Variants in SHISA6 observed in about 807,000 individuals in gnomAD.
The protein encoded by SHISA6 is shisa family member 6, also known as protein shisa-6.
SHISA6 carries 22 observed loss-of-function variants against 47.9 expected under a neutral mutation model. The observed-to-expected ratio is 0.46, with a 90% confidence interval of 0.33 to 0.66. The LOEUF (loss-of-function observed/expected upper bound fraction) is 0.66, where lower values mean the gene tolerates loss of function less well. Among genes scored for constraint, SHISA6 ranks in the 30% least tolerant of loss-of-function variants. The pLI is 0.02. For missense variants in SHISA6, 680 were observed against 764.6 expected, an observed-to-expected ratio of 0.89 and a Z score of 1.30; for synonymous variants, 388 against 337.8, an observed-to-expected ratio of 1.15 and a Z score of -1.63.
intron 2 of SHISA6, among the ~76,000 whole-genome samples, chr17:11,291,826 AC>A (rs1909555249): frequency 6.6e-6 from 1 of 151,872 alleles, no homozygotes; most frequent in Non-Finnish European, 1.5e-5. Context: ...CTGTATCCTA[AC>A]CTCCTCTTTT....
chr17:11,404,699 C>T lies in SHISA6; in HGVS notation c.895+25190C>T, dbSNP rs190653383. ...GCACACACAGTAATGTACACTACAC[C>T]CCCACGTACAGACGAGTGCAAGGAG... On this transcript the variant is annotated intron_variant, in intron 3 of 5. Transcript: ENST00000441885. 1.8e-3 allele frequency among the ~76,000 whole-genome samples: 281 copies of T among 152,272 alleles called. 1 individual carries two copies. Among genetic ancestry groups the T allele is most frequent in the Middle Eastern group, 3.4e-3 (1 of 294 alleles).
chr17:11,389,785 T>C (rs914907735), intron 3 of SHISA6, among the ~76,000 whole-genome samples: 5 of 152,234 alleles, frequency 3.3e-5, no homozygotes, highest in Non-Finnish European at 7.3e-5. Flanking sequence ...AGTGGTCATC[T>C]AAGTTGGGAA....
chr17:11,521,784 C>G (rs1264939631), intron 3 of SHISA6, among the ~76,000 whole-genome samples: 1 of 152,042 alleles, frequency 6.6e-6, no homozygotes, highest in Non-Finnish European at 1.5e-5. Context: ...GCTTGGGTGA[C>G]AGAGCAAGAC....
In SHISA6 at chr17:11,281,439, A is replaced by G. The variant is rs184662187; in HGVS notation, c.799+17913A>G. ...CAGTTTTTCCTTTTAGCCTGTTAAC[A>G]TGGAAAATTACATTGATTGGTTTTC... is the stretch of plus-strand genomic sequence containing the variant. On this transcript the variant is annotated intron_variant, in intron 2 of 5. Coordinates refer to ENST00000441885, the MANE Select transcript of SHISA6 (RefSeq NM_207386.4). 3.6e-3 allele frequency among the ~76,000 whole-genome samples: 548 copies of G among 152,306 alleles called. 3 individuals carry two copies. The highest frequency in any genetic ancestry group is 0.014 in the South Asian group (67 of 4,828).
intron 3 of SHISA6, among the ~76,000 whole-genome samples, chr17:11,435,887 T>A (rs1437749117): frequency 2.0e-5 from 3 of 152,256 alleles, no homozygotes; most frequent in African/African-American, 4.8e-5. Flanking sequence ...CTTTACCTGA[T>A]GGATGGCTTT....
intron 2 of SHISA6, among the ~76,000 whole-genome samples, chr17:11,365,021 C>T (rs1296789830): frequency 2.6e-5 from 4 of 152,166 alleles, no homozygotes; most frequent in Non-Finnish European, 5.9e-5. Flanking sequence ...AACCTAAACA[C>T]TCTGAGACTC....
At chr17:11,517,957 C>G (rs1319732366) in intron 3 of SHISA6, among the ~76,000 whole-genome samples, 3 of 152,040 alleles carry the variant, frequency 2.0e-5, no homozygotes, top group African/African-American at 7.2e-5. Context: ...CTATGAACCT[C>G]TGTAGGGTTT....
rs371209514 is a variant in SHISA6, at chr17:11,352,304, G to GA, written c.800-27100dup. Among the ~76,000 whole-genome samples the GA allele has an allele frequency of 1.6e-3, 235 of 148,618 alleles. 2 individuals carry two copies. The highest frequency in any genetic ancestry group is 3.1e-3 in the African/African-American group (127 of 40,560). On this transcript the variant is annotated intron_variant, in intron 2 of 5. Coordinates refer to ENST00000441885, the MANE Select transcript of SHISA6 (RefSeq NM_207386.4). ...TGTTCATATTGAGAAATCAAAGGAG[G>GA]AAAAAAAAAACCCTGAACAATATGA...
intron 3 of SHISA6, among the ~76,000 whole-genome samples, chr17:11,502,451 G>A (rs2071462994): frequency 7.2e-6 from 1 of 139,410 alleles, no homozygotes; most frequent in South Asian, 2.3e-4. Context: ...ACATCGGCCA[G>A]GTGCAGTGGC....
At chr17:11,335,497 A>G (rs543475430) in intron 2 of SHISA6, among the ~76,000 whole-genome samples, 1 of 152,298 alleles carries the variant, frequency 6.6e-6, no homozygotes, top group Admixed American at 6.5e-5. Flanking sequence ...ACAGAAACTG[A>G]GGCACCAGCA....
intron 3 of SHISA6, among the ~76,000 whole-genome samples, chr17:11,465,021 C>T (rs1915775500): frequency 6.6e-6 from 1 of 151,758 alleles, no homozygotes. Flanking sequence ...CTAGTTTTTT[C>T]ATATATTTTC....
intron 2 of SHISA6, among the ~76,000 whole-genome samples, chr17:11,365,015 T>C (rs897170834): frequency 6.6e-6 from 1 of 152,160 alleles, no homozygotes; most frequent in Non-Finnish European, 1.5e-5. Context: ...ACAAGAAACC[T>C]AAACACTCTG....
In SHISA6 at chr17:11,311,000, A is replaced by G. The variant is rs540958620; in HGVS notation, c.799+47474A>G. Among the ~76,000 whole-genome samples the G allele has an allele frequency of 1.6e-4, 24 of 151,164 alleles. No homozygotes were observed. The East Asian group carries it at 3.9e-3, about 25-fold the overall frequency. On this transcript the variant is annotated intron_variant, in intron 2 of 5. Transcript: ENST00000441885. ...CAGGTGCCTGTAGTCCCAGCTACTC[A>G]GGAGGCTAAGGCAGGAGAATGGCGT...
At chr17:11,367,119 A>G (rs1912477652) in intron 2 of SHISA6, among the ~76,000 whole-genome samples, 1 of 152,184 alleles carries the variant, frequency 6.6e-6, no homozygotes, top group African/African-American at 2.4e-5. Context: ...CATTTCATAG[A>G]GAAGGACAGT....
intron 1 of SHISA6, among the ~76,000 whole-genome samples, chr17:11,242,990 T>C (rs1026500012): frequency 6.6e-6 from 1 of 152,002 alleles, no homozygotes; most frequent in East Asian, 1.9e-4. Context: ...TGTCCCCTCA[T>C]GTTGATGGAT....
chr17:11,407,750 C>T (rs962111716), intron 3 of SHISA6, among the ~76,000 whole-genome samples: 4 of 152,082 alleles, frequency 2.6e-5, no homozygotes, highest in African/African-American at 9.7e-5. Flanking sequence ...CATTATTTGA[C>T]GGCTCCTTTT....
At chr17:11,540,233 T>C (rs894799612) in intron 3 of SHISA6, among the ~76,000 whole-genome samples, 16 of 152,322 alleles carry the variant, frequency 1.1e-4, no homozygotes, top group Non-Finnish European at 1.3e-4. Flanking sequence ...CCCTTCTCAG[T>C]GCTCCTGGAT....
intron 2 of SHISA6, among the ~76,000 whole-genome samples, chr17:11,303,106 TACAC>T (rs1331335807): frequency 6.6e-6 from 1 of 152,212 alleles, no homozygotes; most frequent in African/African-American, 2.4e-5. Flanking sequence ...GTGTGATACA[TACAC>T]AATTGTGATT....
intron 3 of SHISA6, among the ~76,000 whole-genome samples, chr17:11,393,810 C>T (rs1257447492): frequency 1.3e-5 from 2 of 152,200 alleles, no homozygotes; most frequent in African/African-American, 4.8e-5. Flanking sequence ...TCTTGCTCTG[C>T]TGCTGTCCTT....
Sources: allele counts gnomAD v4.1 joint callset (sites outside exome capture counted in the v4.1 genomes callset), GRCh38; gene constraint gnomAD v4.1.1; transcripts MANE v1.5; gene names NCBI Gene and HGNC (gene_info 2026-07-23, HGNC 2026-07-21).